The following NOD2 variants were observed in gnomAD, a reference collection of about 807,000 sequenced individuals.
The protein encoded by NOD2 is nucleotide binding oligomerization domain containing 2, also known as nucleotide-binding oligomerization domain-containing protein 2.
In NOD2, 86 loss-of-function variants were observed where a neutral mutation model predicts 90.9. The ratio of observed to expected loss-of-function variants is 0.95; its 90% CI spans 0.79 to 1.13. The LOEUF (loss-of-function observed/expected upper bound fraction) is 1.13. Among genes scored for constraint, NOD2 ranks in the 50% most tolerant of loss-of-function variants. The probability of loss-of-function intolerance (pLI) is 0.00; values close to 1 mark genes in which losing one functional copy is unlikely to be tolerated. For missense variants in NOD2, 1,238 were observed against 1,283.8 expected (o/e 0.96, Z 0.55); for synonymous variants, 581 against 554.6 (o/e 1.05, Z -0.67).
chr16:50,712,254 C>G lies in NOD2; in HGVS notation c.2262C>G (p.Ala754=). The stretch of plus-strand genomic sequence containing the variant: ...GTGTGGGCCCCACTGAGTGTGCTGC[C>G]CTGGCCTTTGTGCTGCAGCACCTCC... ...FCSVGPTECA[A]LAFVLQHLRR... The change falls in exon 4 of 12, where the codon GCC becomes GCG. Residue 754 remains alanine (A), a synonymous_variant. Transcript: ENST00000647318. 6.2e-7 allele frequency: 1 copy of G among 1,613,952 alleles called. No individual in the cohort carries two copies. The highest frequency in any genetic ancestry group is 8.5e-7 in the Non-Finnish European group (1 of 1,180,046).
chr16:50,725,573 G>A lies in NOD2; in HGVS notation c.2885+1G>A, dbSNP rs1294768280. 2 of 1,610,506 alleles carry A rather than the reference G, an allele frequency of 1.2e-6. No individual in the cohort carries two copies. Among genetic ancestry groups the A allele is most frequent in the African/African-American group, 1.3e-5 (1 of 74,848 alleles). ...AAAATTCAAGTTTGAAAATCCTGAAGTAAGGAACCCATAAGCAGGAAACAG... is the reference window on the plus strand; with the variant it reads ...AAAATTCAAGTTTGAAAATCCTGAAATAAGGAACCCATAAGCAGGAAACAG... On this transcript the variant is annotated splice_donor_variant, in intron 10 of 11. Coordinates refer to ENST00000647318, the MANE Select transcript of NOD2 (RefSeq NM_001370466.1). LOFTEE classifies it high-confidence loss of function.
intron 4 of NOD2, among the ~76,000 whole-genome samples, chr16:50,715,147 C>T (rs1964725751): frequency 6.6e-6 from 1 of 152,198 alleles, no homozygotes; most frequent in African/African-American, 2.4e-5. Flanking sequence ...GGTTTGGAGC[C>T]AAGCCGCCTA....
Position 50,699,864 on chromosome 16 carries a change from G to T in NOD2, c.369G>T (p.Glu123Asp). Residue 123 changes from glutamate (E) to aspartate (D), a missense_variant, in exon 2 of 12, where the codon GAG (glutamate) becomes GAT (aspartate). Transcript: ENST00000647318. The stretch of plus-strand genomic sequence containing the variant: ...TCAGGAGGCTCCACAGCCATGTGGA[G>T]AACATGCTGGACCTGGCATGGGAGC... ...AIVRRLHSHV[E>D]NMLDLAWERG... 6.2e-7 allele frequency: 1 copy of T among 1,613,462 alleles called. No individual in the cohort carries two copies. Among genetic ancestry groups the T allele is most frequent in the Non-Finnish European group, 8.5e-7 (1 of 1,180,028 alleles).
chr16:50,726,015 C>G (rs1965252337), intron 10 of NOD2, among the ~76,000 whole-genome samples: 1 of 152,212 alleles, frequency 6.6e-6, no homozygotes, highest in African/African-American at 2.4e-5. Flanking sequence ...AGCTCACCCT[C>G]ACCCAGCTGA....
At position 50,712,242 on chromosome 16, in the gene NOD2, T is replaced by G; in HGVS notation, c.2250T>G (p.Thr750=). 1 of 1,613,960 alleles carries G rather than the reference T, an allele frequency of 6.2e-7. No homozygotes were observed. Among genetic ancestry groups the G allele is most frequent in the Non-Finnish European group, 8.5e-7 (1 of 1,180,046 alleles). Residue 750 remains threonine, a synonymous_variant, in exon 4 of 12, where the codon ACT becomes ACG. Transcript: ENST00000647318. The part of the protein sequence containing the change: ...LKLTFCSVGP[T]ECAALAFVLQ... The stretch of plus-strand genomic sequence containing the variant: ...TGACATTTTGCAGTGTGGGCCCCAC[T>G]GAGTGTGCTGCCCTGGCCTTTGTGC...
chr16:50,730,624 G>A (rs985299930), intron 11 of NOD2, among the ~76,000 whole-genome samples: 1 of 152,184 alleles, frequency 6.6e-6, no homozygotes, highest in Non-Finnish European at 1.5e-5. Flanking sequence ...ATTTCCTATA[G>A]AAAATCTATA....
At position 50,731,772 on chromosome 16, in the gene NOD2, G is replaced by T. The variant is rs1316474594; in HGVS notation, c.2995G>T (p.Glu999Ter). ...VWLRGNTFSL[E>*]EVDKLGCRDT... ...GCTCCGAGGGAACACTTTCTCTCTA[G>T]AGGAGGTTGACAAGCTCGGCTGCAG... Residue 999 changes from glutamate to a stop codon, truncating the protein, a stop_gained, in exon 12 of 12, where the codon GAG (glutamate) becomes TAG (stop). Coordinates refer to ENST00000647318, the MANE Select transcript of NOD2 (RefSeq NM_001370466.1). LOFTEE classifies it high-confidence loss of function. 6.2e-7 allele frequency: 1 copy of T among 1,613,846 alleles called. No individual in the cohort carries two copies. Among genetic ancestry groups the T allele is most frequent in the Admixed American group, 1.7e-5 (1 of 60,020 alleles).
In NOD2 at chr16:50,699,943, C is replaced by G. The variant is rs1356803976; in HGVS notation, c.448C>G (p.Pro150Ala). ...CDEIRLPIFT[P>A]SQRARRLLDL... ...TGAAATCAGGTTGCCGATCTTCACA[C>G]CGTCCCAGAGGGTGAGGCACTCCTG... is the stretch of plus-strand genomic sequence containing the variant. The change falls in exon 2 of 12, where the codon CCG becomes GCG. Residue 150 changes from proline to alanine, a missense_variant. By Grantham distance (27) the Pro-to-Ala change is conservative (BLOSUM62 -1). Transcript: ENST00000647318. 1.6e-5 allele frequency: 25 copies of G among 1,607,542 alleles called. No individual in the cohort carries two copies. Among genetic ancestry groups the G allele is most frequent in the Non-Finnish European group, 1.9e-5 (22 of 1,179,880 alleles).
Position 50,727,000 on chromosome 16 carries a change from C to T in NOD2, c.2885+1428C>T, listed in dbSNP as rs374953330. On this transcript the variant is annotated intron_variant, in intron 10 of 11. Coordinates refer to ENST00000647318, the MANE Select transcript of NOD2 (RefSeq NM_001370466.1). ...TACTAAAAATACAAAATTAGCCGGGCGTGGTGGCATACACCTGTAATCCCA... is the reference window on the plus strand; with the variant it reads ...TACTAAAAATACAAAATTAGCCGGGTGTGGTGGCATACACCTGTAATCCCA... Among the ~76,000 whole-genome samples, 315 of 151,964 alleles carry T rather than the reference C, an allele frequency of 2.1e-3. 2 individuals are homozygous for T. Among genetic ancestry groups the T allele is most frequent in the African/African-American group, 7.0e-3 (290 of 41,436 alleles).
intron 2 of NOD2, among the ~76,000 whole-genome samples, chr16:50,702,385 C>T (rs928344022): frequency 7.2e-5 from 11 of 152,198 alleles, no homozygotes; most frequent in Admixed American, 2.6e-4. Context: ...AAGGATTGCA[C>T]TGCCTGAGGT....
At chr16:50,727,803 G>C (rs1298021140) in intron 10 of NOD2, 1 of 352,338 alleles carries the variant, frequency 2.8e-6, no homozygotes, top group Non-Finnish European at 5.6e-6. Flanking sequence ...TCATTGACTT[G>C]CCGAGCATAC....
intron 2 of NOD2, among the ~76,000 whole-genome samples, chr16:50,702,090 T>C (rs1471034872): frequency 6.6e-6 from 1 of 152,138 alleles, no homozygotes; most frequent in Admixed American, 6.5e-5. Flanking sequence ...GGACACAGGC[T>C]AGCACCACCA....
At chr16:50,721,442 A>G (rs1965057138) in intron 7 of NOD2, among the ~76,000 whole-genome samples, 1 of 145,286 alleles carries the variant, frequency 6.9e-6, no homozygotes, top group Admixed American at 6.8e-5. Context: ...ATATTATAGG[A>G]ATTTTTTTAG....
chr16:50,718,016 A>C (rs370405233), intron 6 of NOD2, among the ~76,000 whole-genome samples: 1 of 152,266 alleles, frequency 6.6e-6, no homozygotes, highest in African/African-American at 2.4e-5. Context: ...ACAGTAAGAG[A>C]GTAATAGCAA....
rs976587089 is a variant in NOD2 at position 50,725,473 on chromosome 16, C to G, written c.2802-16C>G. ...CAATGTTGTATCAACTGGATTTTCT[C>G]TCTTCTTCTCACCAGCCTGGAGGAG... On this transcript the variant is annotated splice_polypyrimidine_tract_variant and intron_variant, in intron 9 of 11. Coordinates refer to ENST00000647318, the MANE Select transcript of NOD2 (RefSeq NM_001370466.1). 1.2e-6 allele frequency: 2 copies of G among 1,603,054 alleles called. No individual in the cohort carries two copies. Among genetic ancestry groups the G allele is most frequent in the African/African-American group, 1.3e-5 (1 of 74,720 alleles).
chr16:50,725,691 C>T (rs1307901225), intron 10 of NOD2, 119 bp downstream of exon 10: 7 of 794,784 alleles, frequency 8.8e-6, no homozygotes, highest in Non-Finnish European at 1.1e-5. Flanking sequence ...CCTGGTAGAA[C>T]AGCTTGCCTT....
In NOD2 at chr16:50,721,219, A is replaced by C. The variant is rs553235284; in HGVS notation, c.2633+1211A>C. 4.0e-5 allele frequency among the ~76,000 whole-genome samples: 6 copies of C among 151,308 alleles called. No homozygotes were observed. In the South Asian group the frequency reaches 1.2e-3, roughly 31 times the overall value. On this transcript the variant is annotated intron_variant, in intron 7 of 11. Transcript: ENST00000647318. ...ACAAAGGAGGCCACAGCCCCACTGA[A>C]CTCTCTTCTGCTTGAGGTCACATCT...
chr16:50,720,418 T>C (rs1283076669), intron 7 of NOD2, among the ~76,000 whole-genome samples: 1 of 152,034 alleles, frequency 6.6e-6, no homozygotes, highest in Non-Finnish European at 1.5e-5. Flanking sequence ...TCCCAGGGGA[T>C]GTACAGCCAG....
At chr16:50,713,828 C>T (rs72796355) in intron 4 of NOD2, among the ~76,000 whole-genome samples, 3 of 152,070 alleles carry the variant, frequency 2.0e-5, no homozygotes, top group Non-Finnish European at 4.4e-5. Context: ...ACTCTTGCTC[C>T]TGGCCAGCGC....
Sources: allele counts gnomAD v4.1 joint callset (sites outside exome capture counted in the v4.1 genomes callset), GRCh38; gene constraint gnomAD v4.1.1; transcripts MANE v1.5; gene names NCBI Gene and HGNC (gene_info 2026-07-23, HGNC 2026-07-21).